Variants in KATNA1 observed in about 807,000 individuals in gnomAD.
KATNA1 encodes the protein katanin p60 ATPase-containing subunit A1.
In KATNA1, 42 loss-of-function variants were observed where a neutral mutation model predicts 62.6. The observed-to-expected ratio is 0.67, with a 90% CI of 0.52 to 0.87. The LOEUF (loss-of-function observed/expected upper bound fraction) is 0.87, where lower values mean the gene tolerates loss of function less well. KATNA1 is among the 40% of genes least tolerant of loss of function. The probability of loss-of-function intolerance (pLI) is 0.00; values close to 1 mark genes in which losing one functional copy is unlikely to be tolerated. For synonymous variants in KATNA1, 186 were observed against 201.9 expected, an observed-to-expected ratio of 0.92 and a Z score of 0.67; for missense variants, 498 against 612.5, an observed-to-expected ratio of 0.81 and a Z score of 1.97.
In KATNA1 at chr6:149,648,649, C is replaced by A. The variant is rs560847867; in HGVS notation, c.-194G>T. 4 of 152,358 alleles carry A rather than the reference C, an allele frequency of 2.6e-5. No homozygotes were observed. Among genetic ancestry groups the A allele is most frequent in the African/African-American group, 9.6e-5 (4 of 41,460 alleles). 9.4% of individuals were successfully genotyped at this position (152,358 alleles called of 1,614,324 possible). A position where few individuals can be genotyped will look rare whatever the true frequency, so the allele number is the denominator to read the frequency against. ...ACCACCTGCCGGCGCGGCTCCTGCT[C>A]GCCGAGAATTTGAAGACAAACCCGC... On this transcript the variant is annotated 5_prime_UTR_variant, in exon 1 of 11. Coordinates refer to ENST00000367411, the MANE Select transcript of KATNA1 (RefSeq NM_007044.4).
At chr6:149,607,089 G>A (rs2115091856) in intron 4 of KATNA1, among the ~76,000 whole-genome samples, 1 of 152,318 alleles carries the variant, frequency 6.6e-6, no homozygotes, top group Middle Eastern at 3.4e-3. Flanking sequence ...GTAAGCCAGG[G>A]AAGATACAAA....
At chr6:149,629,366 C>G (rs1779748963) in intron 3 of KATNA1, among the ~76,000 whole-genome samples, 1 of 152,124 alleles carries the variant, frequency 6.6e-6, no homozygotes, top group Non-Finnish European at 1.5e-5. Context: ...TGTGAGCACA[C>G]AGACAGAAGG....
intron 1 of KATNA1, among the ~76,000 whole-genome samples, chr6:149,638,962 C>A (rs1178847807): frequency 6.6e-6 from 1 of 151,530 alleles, no homozygotes; most frequent in African/African-American, 2.4e-5. Context: ...TGGTCTCGAA[C>A]TCCTGACCTC....
intron 2 of KATNA1, among the ~76,000 whole-genome samples, chr6:149,634,868 C>T (rs1780008723): frequency 6.6e-6 from 1 of 151,650 alleles, no homozygotes; most frequent in Admixed American, 6.6e-5. Context: ...AATTTTATGG[C>T]TAATGGGTCA....
intron 2 of KATNA1, among the ~76,000 whole-genome samples, chr6:149,634,275 A>AAAAATAAAATAAAATAAAATAAAAT (rs377557364): frequency 0.018 from 2,393 of 133,950 alleles, 111 homozygotes; most frequent in African/African-American, 0.06. Flanking sequence ...TCCATCTCAA[A>AAAAATAAAATAAAATAAAATAAAAT]AAAATAAAAT....
intron 2 of KATNA1, 133 bp downstream of exon 2, chr6:149,638,253 A>C (rs1236352535): frequency 2.6e-6 from 2 of 777,362 alleles, no homozygotes; most frequent in Admixed American, 4.8e-5. Context: ...GGACTACAGG[A>C]GTGAGCCACT....
At chr6:149,629,500 G>A (rs1490775049) in intron 3 of KATNA1, among the ~76,000 whole-genome samples, 2 of 152,072 alleles carry the variant, frequency 1.3e-5, no homozygotes, top group Admixed American at 1.3e-4. Flanking sequence ...CCAGTGTATG[G>A]TATTTTATTG....
intron 4 of KATNA1, among the ~76,000 whole-genome samples, chr6:149,608,371 C>T (rs760438094): frequency 1.3e-4 from 20 of 152,116 alleles, no homozygotes; most frequent in Non-Finnish European, 2.5e-4. Context: ...GCTGAAGAGC[C>T]GGCAACCTGG....
intron 2 of KATNA1, among the ~76,000 whole-genome samples, chr6:149,635,645 G>A (rs962027795): frequency 1.3e-5 from 2 of 152,018 alleles, no homozygotes; most frequent in South Asian, 4.1e-4. Flanking sequence ...GGAGGCAGAG[G>A]TTGCAATGAG....
At chr6:149,608,244 C>T (rs1484934728) in intron 4 of KATNA1, among the ~76,000 whole-genome samples, 2 of 152,174 alleles carry the variant, frequency 1.3e-5, no homozygotes, top group African/African-American at 2.4e-5. Flanking sequence ...GGGTATTATA[C>T]ATACCACAAA....
At chr6:149,641,978 C>T (rs565946876) in intron 1 of KATNA1, among the ~76,000 whole-genome samples, 8 of 152,146 alleles carry the variant, frequency 5.3e-5, no homozygotes, top group African/African-American at 1.9e-4. Context: ...TCTCGGCTCA[C>T]TGCAACCTCT....
chr6:149,634,283 AAT>A (rs1562299554), intron 2 of KATNA1, among the ~76,000 whole-genome samples: 1 of 147,948 alleles, frequency 6.8e-6, no homozygotes, highest in African/African-American at 2.5e-5. Context: ...AAAAAAATAA[AAT>A]AAAATAAAAT....
intron 3 of KATNA1, among the ~76,000 whole-genome samples, chr6:149,628,297 G>C (rs1007300207): frequency 1.4e-5 from 2 of 143,406 alleles, no homozygotes; most frequent in African/African-American, 5.2e-5. Flanking sequence ...TTTTAGTAGA[G>C]ACGGGGTTTC....
chr6:149,616,685 C>T (rs1396730502), intron 4 of KATNA1, among the ~76,000 whole-genome samples: 2 of 151,954 alleles, frequency 1.3e-5, no homozygotes, highest in Admixed American at 6.6e-5. Flanking sequence ...ACCCGGTAAG[C>T]GGAGGGTGCG....
chr6:149,625,571 A>G (rs1223388952), intron 3 of KATNA1, among the ~76,000 whole-genome samples: 2 of 152,188 alleles, frequency 1.3e-5, no homozygotes, highest in Non-Finnish European at 2.9e-5. Flanking sequence ...CAGAGGTTGC[A>G]GTCAGCCGAG....
chr6:149,630,890 T>C (rs1779804003), intron 3 of KATNA1, among the ~76,000 whole-genome samples: 1 of 152,208 alleles, frequency 6.6e-6, no homozygotes, highest in Non-Finnish European at 1.5e-5. Flanking sequence ...TAATCATTAT[T>C]ATAAAACACA....
At position 149,594,963 on chromosome 6, in the gene KATNA1, C is replaced by T; in HGVS notation, c.*73G>A. The T allele has an allele frequency of 8.6e-7, 1 of 1,168,230 alleles. No homozygotes were observed. Among genetic ancestry groups the T allele is most frequent in the Non-Finnish European group, 1.2e-6 (1 of 803,172 alleles). 72.4% of individuals were successfully genotyped at this position (1,168,230 alleles called of 1,614,324 possible). ...TATGAAAGTTAAAAAAAATATAGCA[C>T]TCAGTACAATGAATTACTGCATTTA... is the stretch of plus-strand genomic sequence containing the variant. On this transcript the variant is annotated 3_prime_UTR_variant, in exon 11 of 11. Transcript: ENST00000367411.
intron 10 of KATNA1, 81 bp from the exon 11 acceptor site, chr6:149,595,315 A>C (rs2115069705): frequency 2.9e-6 from 3 of 1,051,268 alleles, no homozygotes; most frequent in Admixed American, 2.4e-5. Context: ...AAAAATTTTC[A>C]ATTGATCTGT....
intron 1 of KATNA1, among the ~76,000 whole-genome samples, chr6:149,645,172 C>T (rs188115420): frequency 6.6e-5 from 10 of 152,248 alleles, no homozygotes; most frequent in East Asian, 3.9e-4. Context: ...GCTGGCCGCG[C>T]GCAGTGGCTC....
Sources: gnomAD v4.1 joint callset for allele counts (sites outside exome capture counted in the v4.1 genomes callset) on GRCh38, gnomAD v4.1.1 for gene constraint, MANE v1.5 for transcripts, NCBI Gene and HGNC (gene_info 2026-07-23, HGNC 2026-07-21) for gene names.